Variants in OXSR1 observed in about 807,000 individuals in gnomAD.
OXSR1 encodes oxidative stress responsive kinase 1, also known as serine/threonine-protein kinase OSR1.
A neutral mutation model predicts 79.8 loss-of-function variants in OXSR1; 24 were observed. That is an observed-to-expected ratio of 0.30 (90% CI 0.22 to 0.42). The LOEUF (loss-of-function observed/expected upper bound fraction) is 0.42, where lower values mean the gene tolerates loss of function less well. OXSR1 is among the 10% of genes least tolerant of loss of function. The pLI is 1.00. For synonymous variants in OXSR1, 226 were observed against 209.2 expected (o/e 1.08, Z -0.69); for missense variants, 430 against 618.4 (o/e 0.70, Z 3.23).
At chr3:38,237,312 T>A (rs1702939610) in intron 11 of OXSR1, among the ~76,000 whole-genome samples, 1 of 152,208 alleles carries the variant, frequency 6.6e-6, no homozygotes, top group South Asian at 2.1e-4. Context: ...AAGTCTGTTA[T>A]CCTTCTACTA....
At chr3:38,184,101 A>G (rs1349520295) in intron 2 of OXSR1, among the ~76,000 whole-genome samples, 1 of 152,158 alleles carries the variant, frequency 6.6e-6, no homozygotes, top group Admixed American at 6.5e-5. Context: ...TTAGAACTGG[A>G]ATGACCTGCC....
chr3:38,169,494 T>G (rs1201967550), intron 1 of OXSR1, among the ~76,000 whole-genome samples: 1 of 151,992 alleles, frequency 6.6e-6, no homozygotes, highest in African/African-American at 2.4e-5. Flanking sequence ...TTAGTAATGA[T>G]GGGGTTTCAC....
chr3:38,166,174 G>A (rs1039618512), intron 1 of OXSR1, among the ~76,000 whole-genome samples: 1 of 152,030 alleles, frequency 6.6e-6, no homozygotes, highest in African/African-American at 2.4e-5. Context: ...AGGCTTGAGG[G>A]GGCTCAGGAG....
At chr3:38,183,886 CTTA>C (rs915155102) in intron 2 of OXSR1, among the ~76,000 whole-genome samples, 23 of 152,054 alleles carry the variant, frequency 1.5e-4, no homozygotes, top group Admixed American at 8.5e-4. Context: ...TTTAAAATTA[CTTA>C]TTATTGTTTC....
intron 3 of OXSR1, among the ~76,000 whole-genome samples, chr3:38,197,589 A>G (rs1318263858): frequency 6.6e-6 from 1 of 152,172 alleles, no homozygotes; most frequent in Non-Finnish European, 1.5e-5. Context: ...TATTGTTGCC[A>G]TCTCTCTTCT....
chr3:38,237,372 C>T (rs1180973671), intron 11 of OXSR1, among the ~76,000 whole-genome samples: 1 of 152,142 alleles, frequency 6.6e-6, no homozygotes, highest in African/African-American at 2.4e-5. Context: ...AGATATCTGT[C>T]GTGCACACGT....
chr3:38,240,958 C>A (rs1185728936), intron 11 of OXSR1, among the ~76,000 whole-genome samples: 1 of 152,084 alleles, frequency 6.6e-6, no homozygotes, highest in African/African-American at 2.4e-5. Flanking sequence ...GGAAAATCAT[C>A]ATTTTACAAT....
chr3:38,252,156 C>T (rs564071108), intron 16 of OXSR1, among the ~76,000 whole-genome samples, 172 bp from the exon 17 acceptor site: 55 of 152,286 alleles, frequency 3.6e-4, no homozygotes, highest in African/African-American at 1.3e-3. Flanking sequence ...GTGTACTACT[C>T]AGAAATGAGT....
chr3:38,201,598 T>C (rs930004223), intron 4 of OXSR1, among the ~76,000 whole-genome samples: 2 of 152,058 alleles, frequency 1.3e-5, no homozygotes, highest in African/African-American at 4.8e-5. Context: ...TAGTCCTAGC[T>C]ACTCAGGAGG....
chr3:38,225,732 G>A (rs1226415771), intron 8 of OXSR1, among the ~76,000 whole-genome samples: 4 of 152,074 alleles, frequency 2.6e-5, no homozygotes, highest in Non-Finnish European at 5.9e-5. Context: ...AAATAATGAG[G>A]AAGCCCTAAG....
At chr3:38,185,973 A>AAAAG (rs1559504044) in intron 2 of OXSR1, among the ~76,000 whole-genome samples, 4 of 150,330 alleles carry the variant, frequency 2.7e-5, no homozygotes, top group African/African-American at 9.8e-5. Flanking sequence ...AAAAAAAAAA[A>AAAAG]AAAAGTCATG....
At chr3:38,180,420 A>G (rs186233853) in intron 1 of OXSR1, among the ~76,000 whole-genome samples, 9 of 152,114 alleles carry the variant, frequency 5.9e-5, no homozygotes, top group Non-Finnish European at 8.8e-5. Context: ...CATACTATAT[A>G]CAGACTTTTG....
At chr3:38,227,589 A>G (rs911498701) in intron 8 of OXSR1, among the ~76,000 whole-genome samples, 4 of 150,082 alleles carry the variant, frequency 2.7e-5, no homozygotes, top group African/African-American at 9.8e-5. Context: ...ACACACACAA[A>G]TGTACGTATA....
chr3:38,190,603 A>T, intron 2 of OXSR1, 128 bp from the exon 3 acceptor site: 1 of 612,978 alleles, frequency 1.6e-6, no homozygotes, highest in South Asian at 2.1e-5. Context: ...TTCTTGAAGA[A>T]ATCAGAGCCA....
chr3:38,242,890 T>C (rs549981571), intron 12 of OXSR1, 112 bp downstream of exon 12: 81 of 526,430 alleles, frequency 1.5e-4, no homozygotes, highest in African/African-American at 1.5e-3. Flanking sequence ...AATGCAACTT[T>C]ATACCAATCG....
intron 1 of OXSR1, among the ~76,000 whole-genome samples, chr3:38,179,718 C>G (rs1003546305): frequency 6.6e-6 from 1 of 152,064 alleles, no homozygotes; most frequent in Non-Finnish European, 1.5e-5. Flanking sequence ...CCTGCAGGAC[C>G]CTCATTGTGT....
chr3:38,203,729 G>A (rs1362855070), intron 4 of OXSR1, among the ~76,000 whole-genome samples: 2 of 152,094 alleles, frequency 1.3e-5, no homozygotes, highest in African/African-American at 4.8e-5. Flanking sequence ...AGCTGGGGGT[G>A]GGATGACACA....
intron 1 of OXSR1, among the ~76,000 whole-genome samples, chr3:38,180,834 A>G (rs1701771064): frequency 6.6e-6 from 1 of 151,902 alleles, no homozygotes; most frequent in African/African-American, 2.4e-5. Context: ...GTGCCTGGCT[A>G]TAACTCTGAC....
chr3:38,226,623 G>A (rs1374629936), intron 8 of OXSR1, among the ~76,000 whole-genome samples: 1 of 151,838 alleles, frequency 6.6e-6, no homozygotes, highest in Non-Finnish European at 1.5e-5. Flanking sequence ...CAATGAGAAG[G>A]GCATATATAT....
Sources: gnomAD v4.1 joint callset for allele counts (sites outside exome capture counted in the v4.1 genomes callset) on GRCh38, gnomAD v4.1.1 for gene constraint, MANE v1.5 for transcripts, NCBI Gene and HGNC (gene_info 2026-07-23, HGNC 2026-07-21) for gene names.